KDM1A: variants seen among roughly 807,000 people sequenced by gnomAD.
KDM1A encodes lysine demethylase 1A, also known as lysine-specific histone demethylase 1A.
In KDM1A, 49 loss-of-function variants were observed where a neutral mutation model predicts 109.4. The ratio of observed to expected loss-of-function variants is 0.45; its 90% CI spans 0.36 to 0.57. KDM1A has a LOEUF of 0.57. Among genes scored for constraint, KDM1A ranks in the 20% least tolerant of loss-of-function variants. KDM1A has a pLI of 0.00. For missense variants in KDM1A, 668 were observed against 1,116.6 expected (o/e 0.60, Z 5.73); for synonymous variants, 380 against 415.4 (o/e 0.91, Z 1.04).
chr1:23,062,761 C>G (rs1485725128), intron 9 of KDM1A, among the ~76,000 whole-genome samples: 1 of 152,070 alleles, frequency 6.6e-6, no homozygotes, highest in Non-Finnish European at 1.5e-5. Flanking sequence ...ATGACCACAA[C>G]AAAGTCTTCC....
chr1:23,081,241 C>G, intron 18 of KDM1A: 1 of 533,598 alleles, frequency 1.9e-6, no homozygotes, highest in Non-Finnish European at 3.3e-6. Flanking sequence ...TCACTCTAGT[C>G]TGCCAGCTCC....
At chr1:23,022,438 T>A (rs12141393) in intron 1 of KDM1A, among the ~76,000 whole-genome samples, 347 of 151,010 alleles carry the variant, frequency 2.3e-3, no homozygotes, top group Non-Finnish European at 4.3e-3. Context: ...AAGGTTCAAG[T>A]GATTCTCCTG....
At chr1:23,071,169 G>A (rs1338974945) in intron 12 of KDM1A, 56 bp from the exon 13 acceptor site, 4 of 1,481,010 alleles carry the variant, frequency 2.7e-6, no homozygotes, top group Middle Eastern at 1.8e-4. Context: ...TACATGTGAT[G>A]TAGACATAAA....
chr1:23,019,476 C>G lies in KDM1A; in HGVS notation c.-121C>G. ...GCGGCGGGAGCGCGCTTGGCGCGTG[C>G]GTACGCGACGGCGGTTGGCGGCGCG... On this transcript the variant is annotated 5_prime_UTR_variant, in exon 1 of 21. Transcript: ENST00000400181. 1.6e-6 allele frequency: 2 copies of G among 1,255,612 alleles called. No individual in the cohort carries two copies. Among genetic ancestry groups the G allele is most frequent in the Non-Finnish European group, 2.0e-6 (2 of 995,810 alleles). 77.8% of individuals were successfully genotyped at this position (1,255,612 alleles called of 1,614,324 possible).
At chr1:23,031,619 AT>A (rs1382313143) in intron 2 of KDM1A, among the ~76,000 whole-genome samples, 1 of 151,916 alleles carries the variant, frequency 6.6e-6, no homozygotes, top group Non-Finnish European at 1.5e-5. Context: ...GTTACTGTGA[AT>A]TACCAGAAGC....
chr1:23,031,521 G>A (rs906827243), intron 2 of KDM1A, among the ~76,000 whole-genome samples: 3 of 151,790 alleles, frequency 2.0e-5, no homozygotes, highest in African/African-American at 4.8e-5. Context: ...CATGACTTTC[G>A]TAGGTACCCA....
rs1643250442 is a variant in KDM1A, at chr1:23,069,287, A to G, written c.1413+136A>G. ...CACAGCTGGGACTCATTCTTAAGAA[A>G]ATAATGACTAACGAAAGAGACTGTT... On this transcript the variant is annotated intron_variant, in intron 12 of 20. Transcript: ENST00000400181. 5 of 552,954 alleles carry G rather than the reference A, an allele frequency of 9.0e-6. No individual in the cohort carries two copies. In the East Asian group the frequency reaches 1.5e-4, roughly 17 times the overall value. 34.3% of individuals were successfully genotyped at this position (552,954 alleles called of 1,614,324 possible). A position where few individuals can be genotyped will look rare whatever the true frequency, so the allele number is the denominator to read the frequency against.
chr1:23,049,491 C>A (rs904566134), intron 3 of KDM1A, among the ~76,000 whole-genome samples: 3 of 151,740 alleles, frequency 2.0e-5, no homozygotes, highest in Non-Finnish European at 4.4e-5. Flanking sequence ...CGAGACAAGC[C>A]TGGCCAACAT....
At position 23,068,653 on chromosome 1, in the gene KDM1A, C is replaced by T; in HGVS notation, c.1294C>T (p.Leu432Phe). The T allele has an allele frequency of 6.3e-7, 1 of 1,579,956 alleles. No homozygotes were observed. The highest frequency in any genetic ancestry group is 8.5e-7 in the Non-Finnish European group (1 of 1,170,390). The change falls in exon 11 of 21, where the codon CTT (leucine) becomes TTT (phenylalanine). Residue 432 changes from leucine (L) to phenylalanine (F), a missense_variant. Leu to Phe is a conservative substitution (Grantham distance 22). Coordinates refer to ENST00000400181, the MANE Select transcript of KDM1A (RefSeq NM_001009999.3). ...TGTCCTCAATAATAAGCCTGTGTCC[C>T]TTGGCCAGGCATTGGAAGTTGTCAT... ...FNVLNNKPVSLGQALEVVIQL... is the reference protein window; with the variant it reads ...FNVLNNKPVSFGQALEVVIQL...
chr1:23,083,056 GA>G, intron 20 of KDM1A, 122 bp from the exon 21 acceptor site: 1 of 809,844 alleles, frequency 1.2e-6, no homozygotes, highest in South Asian at 1.8e-5. Flanking sequence ...ATAGAATGAT[GA>G]ATAGTAATTG....
intron 7 of KDM1A, 135 bp downstream of exon 7, chr1:23,056,173 A>C (rs1475998273): frequency 1.1e-5 from 6 of 525,968 alleles, no homozygotes; most frequent in African/African-American, 2.0e-5. Context: ...TATTTTGGAT[A>C]GTGTTATTTA....
chr1:23,032,131 GGA>G (rs111522225), intron 2 of KDM1A, among the ~76,000 whole-genome samples: 41 of 151,976 alleles, frequency 2.7e-4, no homozygotes, highest in African/African-American at 9.7e-4. Flanking sequence ...AGATACTTGG[GGA>G]TAACCCTTTT....
intron 9 of KDM1A, among the ~76,000 whole-genome samples, chr1:23,064,669 GC>G (rs777142652): frequency 4.6e-5 from 7 of 152,216 alleles, no homozygotes; most frequent in Non-Finnish European, 1.0e-4. Flanking sequence ...ATTACTTCTT[GC>G]AGGATTGGGG....
chr1:23,075,084 A>G (rs551029417), intron 15 of KDM1A, among the ~76,000 whole-genome samples: 3 of 152,366 alleles, frequency 2.0e-5, no homozygotes, highest in South Asian at 2.1e-4. Context: ...GTGAATTGCC[A>G]TCTTAACAAT....
chr1:23,037,303 CAAA>C (rs34692132), intron 2 of KDM1A, among the ~76,000 whole-genome samples: 12 of 55,844 alleles, frequency 2.1e-4, no homozygotes, highest in Non-Finnish European at 2.6e-4. Context: ...GACCCTGTCT[CAAA>C]AAAAAAAAAA....
At chr1:23,045,184 C>G (rs1341819455) in intron 3 of KDM1A, among the ~76,000 whole-genome samples, 2 of 152,138 alleles carry the variant, frequency 1.3e-5, no homozygotes, top group African/African-American at 4.8e-5. Context: ...GGATTTCATC[C>G]TTTGTCTCTT....
intron 13 of KDM1A, among the ~76,000 whole-genome samples, 186 bp from the exon 14 acceptor site, chr1:23,071,938 A>G (rs917185966): frequency 2.0e-5 from 3 of 151,824 alleles, no homozygotes; most frequent in Non-Finnish European, 4.4e-5. Context: ...CCAGGCCCCC[A>G]ACTGTAACTT....
At chr1:23,025,477 C>T (rs1641767353) in intron 1 of KDM1A, among the ~76,000 whole-genome samples, 1 of 151,898 alleles carries the variant, frequency 6.6e-6, no homozygotes. Flanking sequence ...ATTACAGGCA[C>T]CTGCCACCAC....
intron 9 of KDM1A, among the ~76,000 whole-genome samples, chr1:23,064,465 G>T (rs1643104884): frequency 6.6e-6 from 1 of 152,118 alleles, no homozygotes; most frequent in Admixed American, 6.6e-5. Context: ...TTCTTTCTGG[G>T]GATTTCTCTG....
Sources: allele counts gnomAD v4.1 joint callset (sites outside exome capture counted in the v4.1 genomes callset), GRCh38; gene constraint gnomAD v4.1.1; transcripts MANE v1.5; gene names NCBI Gene and HGNC (gene_info 2026-07-23, HGNC 2026-07-21).